The following TDP1 variants were observed in gnomAD, a reference collection of about 807,000 sequenced individuals.
TDP1 encodes tyr-DNA phosphodiesterase 1.
A neutral mutation model predicts 81.5 loss-of-function variants in TDP1; 64 were observed. That is an observed-to-expected ratio of 0.79 (90% CI 0.64 to 0.97). The LOEUF (loss-of-function observed/expected upper bound fraction) is 0.97, where lower values mean the gene tolerates loss of function less well. Ranked by LOEUF, TDP1 falls within the 50% of genes least tolerant of loss-of-function variation. The pLI is 0.00. For synonymous variants in TDP1, 256 were observed against 264.3 expected, an observed-to-expected ratio of 0.97 and a Z score of 0.30; for missense variants, 723 against 743.8, an observed-to-expected ratio of 0.97 and a Z score of 0.33.
intron 5 of TDP1, among the ~76,000 whole-genome samples, chr14:89,970,174 C>T (rs1483042434): frequency 6.6e-6 from 1 of 152,210 alleles, no homozygotes; most frequent in Non-Finnish European, 1.5e-5. Flanking sequence ...CCGCGCCTGG[C>T]CGAAATATAC....
chr14:89,972,293 G>A (rs78852459), intron 6 of TDP1, among the ~76,000 whole-genome samples: 3 of 151,758 alleles, frequency 2.0e-5, no homozygotes, highest in Non-Finnish European at 4.4e-5. Flanking sequence ...AGAGGGAAGA[G>A]AGGGGGAAGA....
chr14:90,039,458 T>C (rs1404590869), intron 16 of TDP1, among the ~76,000 whole-genome samples: 1 of 152,158 alleles, frequency 6.6e-6, no homozygotes, highest in Non-Finnish European at 1.5e-5. Context: ...TAAAAGTGAC[T>C]GCTCAGGCGA....
intron 3 of TDP1, chr14:89,965,856 A>G: frequency 9.1e-6 from 9 of 984,952 alleles, no homozygotes; most frequent in Non-Finnish European, 1.1e-5. Context: ...AAGAATATGT[A>G]TCATTATTGT....
intron 15 of TDP1, among the ~76,000 whole-genome samples, chr14:90,030,011 T>C (rs1248577432): frequency 1.3e-5 from 2 of 152,234 alleles, no homozygotes; most frequent in African/African-American, 4.8e-5. Flanking sequence ...GGTGCTCATA[T>C]CATCTTCATT....
At position 90,043,092 on chromosome 14, in the gene TDP1, T is replaced by C; in HGVS notation, c.1776T>C (p.Ile592=). 6.2e-7 allele frequency: 1 copy of C among 1,614,162 alleles called. No homozygotes were observed. Among genetic ancestry groups the C allele is most frequent in the Non-Finnish European group, 8.5e-7 (1 of 1,180,032 alleles). The part of the protein sequence containing the change: ...GSKDRPWIWN[I]PYVKAPDTHG... Reference sequence around the variant, plus strand: ...CAGATCGGCCATGGATATGGAACATTCCTTATGTCAAAGCACCGGATACGC... The same window carrying C: ...CAGATCGGCCATGGATATGGAACATCCCTTATGTCAAAGCACCGGATACGC... Residue 592 remains isoleucine, a synonymous_variant, in exon 17 of 17, where the codon ATT becomes ATC. Transcript: ENST00000335725.
chr14:90,037,506 AT>A (rs1887939924), intron 16 of TDP1, among the ~76,000 whole-genome samples: 1 of 152,118 alleles, frequency 6.6e-6, no homozygotes, highest in Non-Finnish European at 1.5e-5. Flanking sequence ...CTTATATAGT[AT>A]TTTTTTCCTT....
At chr14:89,970,935 T>C (rs1242364851) in intron 5 of TDP1, 2 of 209,168 alleles carry the variant, frequency 9.6e-6, no homozygotes, top group African/African-American at 2.4e-5. Flanking sequence ...ACCTCCCAGG[T>C]TCAAGCGATT....
chr14:89,988,990 C>A lies in TDP1; in HGVS notation c.1217C>A (p.Ala406Asp). ...GQFSSVGSLG[A>D]DESKWLCSEF... ...TTTTCAAGCGTTGGCTCCTTGGGAG[C>A]CGATGAATCAAAGTGGTTATGTTCT... The change falls in exon 11 of 17, where the codon GCC (alanine) becomes GAC (aspartate). Residue 406 changes from alanine (A) to aspartate (D), a missense_variant. By Grantham distance (126) the Ala-to-Asp change is moderately radical. Coordinates refer to ENST00000335725, the MANE Select transcript of TDP1 (RefSeq NM_018319.4). 1 of 1,614,146 alleles carries A rather than the reference C, an allele frequency of 6.2e-7. No homozygotes were observed. Among genetic ancestry groups the A allele is most frequent in the Non-Finnish European group, 8.5e-7 (1 of 1,180,002 alleles).
At chr14:89,985,962 G>C (rs1188396846) in intron 10 of TDP1, among the ~76,000 whole-genome samples, 1 of 152,228 alleles carries the variant, frequency 6.6e-6, no homozygotes, top group Non-Finnish European at 1.5e-5. Flanking sequence ...GGGAGGCGGA[G>C]ATTGCAGTGA....
At position 89,985,582 on chromosome 14, in the gene TDP1, CTATAA is replaced by C. The variant is rs541500236; in HGVS notation, c.1131+377_1131+381del. Among the ~76,000 whole-genome samples the C allele has an allele frequency of 9.3e-4, 142 of 152,226 alleles. 2 individuals carry two copies. The Middle Eastern group carries it at 0.01, about 11-fold the overall frequency. On this transcript the variant is annotated intron_variant, in intron 10 of 16. Coordinates refer to ENST00000335725, the MANE Select transcript of TDP1 (RefSeq NM_018319.4). ...ATGTTGAGTAAAGACTACAACTGAG[CTATAA>C]TATATTTTGATTATTAAACCAGTGC...
At chr14:89,984,874 T>A (rs2140097278) in intron 9 of TDP1, 191 bp downstream of exon 9, 1 of 985,446 alleles carries the variant, frequency 1.0e-6, no homozygotes, top group Middle Eastern at 5.2e-4. Context: ...TGACAGCCAG[T>A]GAATCCTCAT....
intron 14 of TDP1, among the ~76,000 whole-genome samples, chr14:89,997,475 T>C (rs1315447003): frequency 2.0e-5 from 3 of 152,316 alleles, no homozygotes; most frequent in African/African-American, 7.2e-5. Context: ...ATGGTGAATT[T>C]GATTGAAGAT....
chr14:90,025,059 G>T (rs1008113244), intron 15 of TDP1, among the ~76,000 whole-genome samples: 1 of 152,164 alleles, frequency 6.6e-6, no homozygotes, highest in Non-Finnish European at 1.5e-5. Context: ...TGCCACTTTT[G>T]TCCTTCACCA....
intron 3 of TDP1, chr14:89,965,887 TGATC>T (rs1481385706): frequency 1.0e-6 from 1 of 983,718 alleles, no homozygotes; most frequent in African/African-American, 1.7e-5. Flanking sequence ...TTTCTAAACT[TGATC>T]AATCATTCAG....
intron 6 of TDP1, among the ~76,000 whole-genome samples, chr14:89,972,513 AT>A (rs1255827221): frequency 6.7e-6 from 1 of 150,100 alleles, no homozygotes; most frequent in Non-Finnish European, 1.5e-5. Flanking sequence ...TTCTTTATAT[AT>A]TCCCATAATT....
intron 6 of TDP1, among the ~76,000 whole-genome samples, chr14:89,974,581 T>C (rs1894043503): frequency 6.6e-6 from 1 of 152,098 alleles, no homozygotes; most frequent in African/African-American, 2.4e-5. Context: ...GTAAGGAGGC[T>C]GGGGTAGGTA....
intron 11 of TDP1, 43 bp downstream of exon 11, chr14:89,989,133 A>T: frequency 6.4e-7 from 1 of 1,567,032 alleles, no homozygotes; most frequent in Non-Finnish European, 8.8e-7. Context: ...TTTATTCTCT[A>T]CACAGGAGAA....
intron 16 of TDP1, among the ~76,000 whole-genome samples, chr14:90,034,081 A>T (rs539075931): frequency 6.6e-6 from 1 of 152,222 alleles, no homozygotes; most frequent in East Asian, 1.9e-4. Context: ...GAAAAAAAAA[A>T]GTTCTTATGA....
rs1190580729 is a variant in TDP1 at position 90,043,540 on chromosome 14, T to C, written c.*397T>C. The C allele has an allele frequency of 9.4e-6, 3 of 318,768 alleles. No homozygotes were observed. The highest frequency in any genetic ancestry group is 1.6e-4 in the East Asian group (2 of 12,850). 19.7% of individuals were successfully genotyped at this position (318,768 alleles called of 1,614,324 possible). On this transcript the variant is annotated 3_prime_UTR_variant, in exon 17 of 17. Coordinates refer to ENST00000335725, the MANE Select transcript of TDP1 (RefSeq NM_018319.4). The stretch of plus-strand genomic sequence containing the variant: ...CAAATCTAAACACAAAATTCATTTA[T>C]GTTTCATATACACCTTATATACAAT...
Sources: gnomAD v4.1 joint callset for allele counts (sites outside exome capture counted in the v4.1 genomes callset) on GRCh38, gnomAD v4.1.1 for gene constraint, MANE v1.5 for transcripts, NCBI Gene and HGNC (gene_info 2026-07-23, HGNC 2026-07-21) for gene names.